The following ALG11 variants were observed in gnomAD, a reference collection of about 807,000 sequenced individuals.
The protein encoded by ALG11 is ALG11 alpha-1,2-mannosyltransferase.
A neutral mutation model predicts 38.8 loss-of-function variants in ALG11; 26 were observed. The ratio of observed to expected loss-of-function variants is 0.67; its 90% CI spans 0.49 to 0.93. The LOEUF (loss-of-function observed/expected upper bound fraction) is 0.93. Among genes scored for constraint, ALG11 ranks in the 40% least tolerant of loss-of-function variants. The probability of loss-of-function intolerance (pLI) is 0.00; values close to 1 mark genes in which losing one functional copy is unlikely to be tolerated. For synonymous variants in ALG11, 199 were observed against 211.6 expected (o/e 0.94, Z 0.52); for missense variants, 535 against 578.8 (o/e 0.92, Z 0.78).
In ALG11 at chr13:52,028,766, T is replaced by C; in HGVS notation, c.*176T>C. ...AGAAAATGGATGACTAGCCTTCGGC[T>C]TCCATTCTTGGTATACATGAGAGAG... On this transcript the variant is annotated 3_prime_UTR_variant, in exon 4 of 4. Coordinates refer to ENST00000521508, the MANE Select transcript of ALG11 (RefSeq NM_001004127.3). 6.2e-7 allele frequency: 1 copy of C among 1,614,104 alleles called. No homozygotes were observed. The highest frequency in any genetic ancestry group is 8.5e-7 in the Non-Finnish European group (1 of 1,179,952).
chr13:52,023,771 T>C (rs1954208925), intron 2 of ALG11: 1 of 271,790 alleles, frequency 3.7e-6, no homozygotes, highest in Non-Finnish European at 7.1e-6. Context: ...CGGCTCTCAG[T>C]CTCTCAGGGT....
At chr13:52,013,323 A>G (rs1351915036) in intron 1 of ALG11, among the ~76,000 whole-genome samples, 1 of 152,234 alleles carries the variant, frequency 6.6e-6, no homozygotes, top group African/African-American at 2.4e-5. Context: ...TAATTCTTTC[A>G]AAAGTTCAGG....
rs754334227 is a variant in ALG11 at position 52,029,746 on chromosome 13, T to C, written c.*1156T>C. 5.0e-6 allele frequency: 8 copies of C among 1,614,030 alleles called. No individual in the cohort carries two copies. The African/African-American group carries it at 9.3e-5, about 19-fold the overall frequency. On this transcript the variant is annotated 3_prime_UTR_variant, in exon 4 of 4. Coordinates refer to ENST00000521508, the MANE Select transcript of ALG11 (RefSeq NM_001004127.3). ...AGTCAAAGGCAATTATGGCCAAATA[T>C]GACCTGGAGGCTCGCCAAGCTATGC...
chr13:52,019,045 G>GA lies in ALG11; in HGVS notation c.182dup (p.Asn61LysfsTer35). On this transcript the variant is annotated frameshift_variant, in exon 2 of 4. Coordinates refer to ENST00000521508, the MANE Select transcript of ALG11 (RefSeq NM_001004127.3). LOFTEE classifies it high-confidence loss of function. ...AATTAGTGTCAACTAGCAAAAATGG[G>GA]AAAAATCAAATGGTGATTGCATTTT... The GA allele has an allele frequency of 6.2e-7, 1 of 1,613,904 alleles. No individual in the cohort carries two copies. The highest frequency in any genetic ancestry group is 8.5e-7 in the Non-Finnish European group (1 of 1,179,980).
chr13:52,026,332 CA>C (rs1333086684), intron 3 of ALG11, among the ~76,000 whole-genome samples: 1 of 152,124 alleles, frequency 6.6e-6, no homozygotes, highest in African/African-American at 2.4e-5. Flanking sequence ...AGGAAGACAA[CA>C]GAGAGGTGAT....
rs781704785 is a variant in ALG11 at position 52,029,429 on chromosome 13, G to A, written c.*839G>A. On this transcript the variant is annotated 3_prime_UTR_variant, in exon 4 of 4. Coordinates refer to ENST00000521508, the MANE Select transcript of ALG11 (RefSeq NM_001004127.3). The stretch of plus-strand genomic sequence containing the variant: ...TCCTTTACTGACTCCCATGGAAAAG[G>A]CCTCTCTCCAAGCCATGAGCCTGGA... The A allele has an allele frequency of 6.2e-7, 1 of 1,614,136 alleles. No homozygotes were observed. Among genetic ancestry groups the A allele is most frequent in the Non-Finnish European group, 8.5e-7 (1 of 1,180,026 alleles).
rs150078926 is a variant in ALG11, at chr13:52,016,986, C to T, written c.45-1927C>T. On this transcript the variant is annotated intron_variant, in intron 1 of 3. Transcript: ENST00000521508. ...AAAGCAGCCAGGAGGGAGGCTGTAC[C>T]CTGCAAATCTACAGGGGCAGAGCTG... is the stretch of plus-strand genomic sequence containing the variant. 2.6e-5 allele frequency: 4 copies of T among 152,376 alleles called. No homozygotes were observed. In the East Asian group the frequency reaches 7.7e-4, roughly 29 times the overall value. The allele number at this position is 152,376 out of a possible 1,614,324, so 9.4% of individuals were successfully genotyped here. A position where few individuals can be genotyped will look rare whatever the true frequency, so the allele number is the denominator to read the frequency against.
In ALG11 at chr13:52,028,904, G is replaced by A. The variant is rs1403642628; in HGVS notation, c.*314G>A. 3 of 1,614,092 alleles carry A rather than the reference G, an allele frequency of 1.9e-6. No homozygotes were observed. Among genetic ancestry groups the A allele is most frequent in the Admixed American group, 1.7e-5 (1 of 60,006 alleles). ...CCCCTTGAGTGAAAATGAAGATGAG[G>A]GGGACAGTGATGGAGAGAGAAAGCA... On this transcript the variant is annotated 3_prime_UTR_variant, in exon 4 of 4. Coordinates refer to ENST00000521508, the MANE Select transcript of ALG11 (RefSeq NM_001004127.3).
Position 52,030,530 on chromosome 13 carries a change from C to A in ALG11, c.*1940C>A, listed in dbSNP as rs562055329. ...TCCTTCCGTGAGGTCTTTGGCAGTT[C>A]CCACAATAATAGAGGAGCTGGAAGA... On this transcript the variant is annotated 3_prime_UTR_variant, in exon 4 of 4. Coordinates refer to ENST00000521508, the MANE Select transcript of ALG11 (RefSeq NM_001004127.3). The A allele has an allele frequency of 5.6e-6, 9 of 1,614,038 alleles. No homozygotes were observed. In the South Asian group the frequency reaches 8.8e-5, roughly 16 times the overall value.
At position 52,029,196 on chromosome 13, in the gene ALG11, T is replaced by G; in HGVS notation, c.*606T>G. On this transcript the variant is annotated 3_prime_UTR_variant, in exon 4 of 4. Coordinates refer to ENST00000521508, the MANE Select transcript of ALG11 (RefSeq NM_001004127.3). ...AAAATTGAACAGATCCACAGAGAAG[T>G]AGCATTCAGTAAAACCTCACAGGTC... 1 of 1,614,036 alleles carries G rather than the reference T, an allele frequency of 6.2e-7. No individual in the cohort carries two copies. Among genetic ancestry groups the G allele is most frequent in the Non-Finnish European group, 8.5e-7 (1 of 1,180,018 alleles).
rs760774376 is a variant in ALG11 at position 52,030,630 on chromosome 13, AAG to A, written c.*2044_*2045del. ...GATGATGTCATCAGAGATTTCTTGA[AAG>A]AGAAGAGGGAAGCTGTGGAGGCGAG... is the stretch of plus-strand genomic sequence containing the variant. On this transcript the variant is annotated 3_prime_UTR_variant, in exon 4 of 4. Transcript: ENST00000521508. The A allele has an allele frequency of 1.9e-4, 309 of 1,614,070 alleles. 2 individuals carry two copies. Among genetic ancestry groups the A allele is most frequent in the Middle Eastern group, 1.6e-4 (1 of 6,082 alleles).
intron 1 of ALG11, among the ~76,000 whole-genome samples, chr13:52,015,511 T>C (rs1315666211): frequency 2.6e-5 from 4 of 152,198 alleles, no homozygotes. Flanking sequence ...AACCTCAAGT[T>C]GAATTTTATC....
In ALG11 at chr13:52,030,572, C is replaced by G. The variant is rs1365550809; in HGVS notation, c.*1982C>G. ...GCTGGAAGATGAAGAGGAGAGAGACCAAAGGCAGATGATAAAGGAAGCTTT... is the reference window on the plus strand; with the variant it reads ...GCTGGAAGATGAAGAGGAGAGAGACGAAAGGCAGATGATAAAGGAAGCTTT... On this transcript the variant is annotated 3_prime_UTR_variant, in exon 4 of 4. Coordinates refer to ENST00000521508, the MANE Select transcript of ALG11 (RefSeq NM_001004127.3). The G allele has an allele frequency of 1.9e-5, 30 of 1,613,962 alleles. No individual in the cohort carries two copies. The highest frequency in any genetic ancestry group is 2.5e-5 in the Non-Finnish European group (30 of 1,180,038).
In ALG11 at chr13:52,019,451, G is replaced by A. The variant is rs139277895; in HGVS notation, c.275+308G>A. ...TTAGCCAGGATGGTCTCGATCTGCT[G>A]ACCTTGTGATCCGCCCACCTCGGCC... On this transcript the variant is annotated intron_variant, in intron 2 of 3. Coordinates refer to ENST00000521508, the MANE Select transcript of ALG11 (RefSeq NM_001004127.3). Among the ~76,000 whole-genome samples the A allele has an allele frequency of 6.6e-5, 10 of 152,178 alleles. 1 individual carries two copies. Among genetic ancestry groups the A allele is most frequent in the African/African-American group, 2.4e-4 (10 of 41,526 alleles).
chr13:52,027,090 A>G (rs1265740008), intron 3 of ALG11, among the ~76,000 whole-genome samples: 2 of 152,166 alleles, frequency 1.3e-5, no homozygotes, highest in African/African-American at 4.8e-5. Flanking sequence ...ATGCTGGGGA[A>G]GGTAAGGCAG....
intron 1 of ALG11, 56 bp downstream of exon 1, chr13:52,012,518 C>T: frequency 1.2e-6 from 2 of 1,612,452 alleles, no homozygotes; most frequent in African/African-American, 1.3e-5. Flanking sequence ...GGGGTACTTG[C>T]CCGTCCAGTG....
Position 52,019,315 on chromosome 13 carries a change from A to G in ALG11, c.275+172A>G, listed in dbSNP as rs557492379. Among the ~76,000 whole-genome samples, 14 of 133,172 alleles carry G rather than the reference A, an allele frequency of 1.1e-4. No homozygotes were observed. In the East Asian group the frequency reaches 2.4e-3, roughly 23 times the overall value. 87.4% of individuals were successfully genotyped at this position (133,172 alleles called of 152,430 possible). ...CGGCTCACTGCAAGCTCCGCCTCCC[A>G]GGTTCATGCCATTCTCCTGCCTCGG... On this transcript the variant is annotated intron_variant, in intron 2 of 3. Coordinates refer to ENST00000521508, the MANE Select transcript of ALG11 (RefSeq NM_001004127.3).
In ALG11 at chr13:52,029,488, G is replaced by T; in HGVS notation, c.*898G>T. 1 of 1,614,076 alleles carries T rather than the reference G, an allele frequency of 6.2e-7. No individual in the cohort carries two copies. Among genetic ancestry groups the T allele is most frequent in the Non-Finnish European group, 8.5e-7 (1 of 1,179,930 alleles). ...AGATGCACCGAGCAGAGCTTCAGAG[G>T]GCTCGGGCTCTGCAGTCCTACTATG... is the stretch of plus-strand genomic sequence containing the variant. On this transcript the variant is annotated 3_prime_UTR_variant, in exon 4 of 4. Coordinates refer to ENST00000521508, the MANE Select transcript of ALG11 (RefSeq NM_001004127.3).
chr13:52,018,461 G>C (rs1013261756), intron 1 of ALG11, among the ~76,000 whole-genome samples: 22 of 152,098 alleles, frequency 1.4e-4, no homozygotes, highest in African/African-American at 5.3e-4. Flanking sequence ...TGAAGTGATG[G>C]AATGAAAAAG....
Sources: allele counts gnomAD v4.1 joint callset (sites outside exome capture counted in the v4.1 genomes callset), GRCh38; gene constraint gnomAD v4.1.1; transcripts MANE v1.5; gene names NCBI Gene and HGNC (gene_info 2026-07-23, HGNC 2026-07-21).